FRMD6: variants seen among roughly 807,000 people sequenced by gnomAD.
FRMD6 encodes the protein FERM domain-containing protein 6.
A neutral mutation model predicts 73.2 loss-of-function variants in FRMD6; 37 were observed. That is an observed-to-expected ratio of 0.51 (90% confidence interval 0.39 to 0.66). The LOEUF is 0.66. Among genes scored for constraint, FRMD6 ranks in the 30% least tolerant of loss-of-function variants. The pLI, the probability that FRMD6 is intolerant of heterozygous loss-of-function variation, is 0.00. For synonymous variants in FRMD6, 273 were observed against 282.2 expected (o/e 0.97, Z 0.33); for missense variants, 714 against 780.5 (o/e 0.91, Z 1.02).
intron 2 of FRMD6, among the ~76,000 whole-genome samples, chr14:51,603,434 T>A (rs916403506): frequency 6.6e-6 from 1 of 152,208 alleles, no homozygotes; most frequent in African/African-American, 2.4e-5. Flanking sequence ...GGATTGCAAG[T>A]GATTTTTTTT....
chr14:51,440,648 A>G, the FRMD6 span, among the ~76,000 whole-genome samples: 1 of 152,218 alleles, frequency 6.6e-6, no homozygotes, highest in African/African-American at 2.4e-5. Context: ...GATGGGCTAT[A>G]GGACATAGAG....
intron 1 of FRMD6, among the ~76,000 whole-genome samples, chr14:51,507,884 C>T (rs2140241437): frequency 6.6e-6 from 1 of 152,280 alleles, no homozygotes; most frequent in African/African-American, 2.4e-5. Flanking sequence ...ACCTCTGGGC[C>T]AGGCAGGAAG....
the FRMD6 span, among the ~76,000 whole-genome samples, chr14:51,400,196 A>G: frequency 1.3e-5 from 2 of 152,338 alleles, no homozygotes; most frequent in East Asian, 3.9e-4. Flanking sequence ...ATGCCATGCA[A>G]TAAGTCACCA....
chr14:51,607,689 G>A (rs937420447), intron 2 of FRMD6, among the ~76,000 whole-genome samples: 6 of 152,196 alleles, frequency 3.9e-5, no homozygotes, highest in African/African-American at 1.4e-4. Context: ...AGATGGTACT[G>A]CACTACATGA....
At chr14:51,653,152 C>T (rs918720765) in intron 1 of FRMD6, among the ~76,000 whole-genome samples, 1 of 152,224 alleles carries the variant, frequency 6.6e-6, no homozygotes, top group Non-Finnish European at 1.5e-5. Flanking sequence ...CCAGCCTGTG[C>T]TCTCCAGCAT....
chr14:51,529,704 C>T (rs370296402), intron 1 of FRMD6, among the ~76,000 whole-genome samples: 8 of 152,308 alleles, frequency 5.3e-5, no homozygotes, highest in South Asian at 2.1e-4. Context: ...TTGAGAGACA[C>T]GTGTCTTAAA....
chr14:51,431,555 C>T, the FRMD6 span, among the ~76,000 whole-genome samples: 1 of 152,194 alleles, frequency 6.6e-6, no homozygotes, highest in Non-Finnish European at 1.5e-5. Context: ...TCCTTCTTAA[C>T]CAATGTTGCA....
At chr14:51,467,132 G>T in the FRMD6 span, among the ~76,000 whole-genome samples, 2 of 152,206 alleles carry the variant, frequency 1.3e-5, no homozygotes, top group Admixed American at 1.3e-4. Flanking sequence ...CAGTGTTTGT[G>T]TCCCTGGGTA....
At chr14:51,612,640 TTCTG>T (rs1890559115) in intron 2 of FRMD6, among the ~76,000 whole-genome samples, 1 of 152,298 alleles carries the variant, frequency 6.6e-6, no homozygotes, top group Admixed American at 6.5e-5. Context: ...ATGACTCAAC[TTCTG>T]TAGGTCTTGA....
chr14:51,594,194 G>A (rs1454075718), intron 2 of FRMD6, among the ~76,000 whole-genome samples: 2 of 151,994 alleles, frequency 1.3e-5, no homozygotes, highest in African/African-American at 2.4e-5. Flanking sequence ...GCGCGATCTC[G>A]GCTCACTGTA....
intron 1 of FRMD6, among the ~76,000 whole-genome samples, chr14:51,537,458 A>G (rs1248890331): frequency 6.6e-6 from 1 of 152,278 alleles, no homozygotes; most frequent in African/African-American, 2.4e-5. Flanking sequence ...ATAAAGCTGC[A>G]TAAACATCTA....
chr14:51,500,442 G>A (rs73285006), intron 1 of FRMD6, among the ~76,000 whole-genome samples: 63,739 of 151,762 alleles, frequency 0.42, 13,865 homozygotes, highest in East Asian at 0.6. Context: ...CAGGACAATC[G>A]CTTGAACCCT....
intron 2 of FRMD6, among the ~76,000 whole-genome samples, chr14:51,695,779 C>T (rs2140406815): frequency 6.6e-6 from 1 of 152,246 alleles, no homozygotes; most frequent in Admixed American, 6.5e-5. Context: ...ATATCTTCTG[C>T]TCTTTCCAGT....
intron 2 of FRMD6, among the ~76,000 whole-genome samples, chr14:51,601,974 GC>G (rs1890055910): frequency 6.6e-6 from 1 of 152,162 alleles, no homozygotes; most frequent in African/African-American, 2.4e-5. Context: ...TACTTGGCAA[GC>G]CTTATAATAC....
the FRMD6 span, among the ~76,000 whole-genome samples, chr14:51,466,541 T>C: frequency 1.3e-5 from 2 of 152,246 alleles, no homozygotes; most frequent in African/African-American, 4.8e-5. Context: ...TTTGGCACTT[T>C]GTCATAAATT....
intron 1 of FRMD6, among the ~76,000 whole-genome samples, chr14:51,570,076 A>C (rs930000429): frequency 6.6e-6 from 1 of 151,988 alleles, no homozygotes; most frequent in Non-Finnish European, 1.5e-5. Flanking sequence ...TGGCCTCCCA[A>C]AGTGCTGGGA....
At chr14:51,486,349 T>C (rs1358122169), upstream of FRMD6, among the ~76,000 whole-genome samples, 3 of 152,172 alleles carry the variant, frequency 2.0e-5, no homozygotes, top group Non-Finnish European at 2.9e-5. Flanking sequence ...GTTGGATCAC[T>C]TTCTTTGTGG....
At chr14:51,524,630 C>T (rs914667565) in intron 1 of FRMD6, among the ~76,000 whole-genome samples, 3 of 152,188 alleles carry the variant, frequency 2.0e-5, no homozygotes, top group East Asian at 3.9e-4. Flanking sequence ...AATTGGGCAG[C>T]CCCCTAAACA....
chr14:51,720,671 G>A (rs763006237), intron 11 of FRMD6: 1 of 445,744 alleles, frequency 2.2e-6, no homozygotes, highest in East Asian at 4.3e-5. Flanking sequence ...TGCTGCCCTT[G>A]TGTCTGTATT....
Sources: gnomAD v4.1 joint callset for allele counts (sites outside exome capture counted in the v4.1 genomes callset) on GRCh38, gnomAD v4.1.1 for gene constraint, MANE v1.5 for transcripts, NCBI Gene and HGNC (gene_info 2026-07-23, HGNC 2026-07-21) for gene names.